Variants in SDK1 observed in about 807,000 individuals in gnomAD.
SDK1 encodes the protein sidekick cell adhesion molecule 1.
SDK1 carries 157 observed loss-of-function variants against 245.5 expected under a neutral mutation model. The observed-to-expected ratio is 0.64, with a 90% CI of 0.56 to 0.73. SDK1 has a LOEUF of 0.73. Ranked by LOEUF, SDK1 falls within the 30% of genes least tolerant of loss-of-function variation. The probability of loss-of-function intolerance (pLI) is 0.00; values close to 1 mark genes in which losing one functional copy is unlikely to be tolerated. For synonymous variants in SDK1, 1,647 were observed against 1,278.5 expected, an observed-to-expected ratio of 1.29 and a Z score of -6.15; for missense variants, 3,583 against 3,002.3, an observed-to-expected ratio of 1.19 and a Z score of -4.52.
intron 38 of SDK1, among the ~76,000 whole-genome samples, chr7:4,210,817 A>G (rs1410585133): frequency 2.6e-5 from 4 of 152,226 alleles, no homozygotes; most frequent in Non-Finnish European, 5.9e-5. Flanking sequence ...GGTAACACAC[A>G]GGTAATTAAA....
chr7:3,587,640 C>T (rs906387616), intron 1 of SDK1, among the ~76,000 whole-genome samples: 1 of 152,234 alleles, frequency 6.6e-6, no homozygotes, highest in Non-Finnish European at 1.5e-5. Context: ...GGATGGCCGT[C>T]TGTTTTACTC....
chr7:3,498,986 G>A (rs1365000366), intron 1 of SDK1, among the ~76,000 whole-genome samples: 1 of 152,152 alleles, frequency 6.6e-6, no homozygotes, highest in Admixed American at 6.5e-5. Context: ...TGATTGGTAA[G>A]AATTTGCAGA....
intron 4 of SDK1, among the ~76,000 whole-genome samples, chr7:3,681,964 T>C (rs564512997): frequency 1.3e-5 from 2 of 152,292 alleles, no homozygotes; most frequent in Non-Finnish European, 2.9e-5. Context: ...GAATGGTCTC[T>C]GAGAGCATAA....
At chr7:3,697,886 G>C (rs1270722060) in intron 4 of SDK1, among the ~76,000 whole-genome samples, 1 of 152,050 alleles carries the variant, frequency 6.6e-6, no homozygotes, top group Non-Finnish European at 1.5e-5. Context: ...TTCCCTTTTT[G>C]TCCTGAGTAC....
At chr7:3,627,139 G>C (rs140660187) in intron 2 of SDK1, among the ~76,000 whole-genome samples, 8 of 152,156 alleles carry the variant, frequency 5.3e-5, no homozygotes, top group Non-Finnish European at 1.2e-4. Context: ...ATGTTGCCGA[G>C]GCTCGTCTCA....
chr7:3,721,826 C>A (rs1457121976), intron 4 of SDK1, among the ~76,000 whole-genome samples: 1 of 152,160 alleles, frequency 6.6e-6, no homozygotes, highest in South Asian at 2.1e-4. Context: ...GGGCTTAGAC[C>A]GGTTGGCATA....
chr7:3,488,414 A>G (rs1781769335), intron 1 of SDK1, among the ~76,000 whole-genome samples: 1 of 152,096 alleles, frequency 6.6e-6, no homozygotes, highest in Admixed American at 6.6e-5. Flanking sequence ...AGGATTTTTA[A>G]AACATTTCCC....
intron 4 of SDK1, among the ~76,000 whole-genome samples, chr7:3,773,984 G>T (rs1780477895): frequency 6.6e-6 from 1 of 152,132 alleles, no homozygotes; most frequent in African/African-American, 2.4e-5. Flanking sequence ...GGAGGCCAAG[G>T]TGGGTGGATC....
intron 1 of SDK1, among the ~76,000 whole-genome samples, chr7:3,431,590 A>G (rs991832348): frequency 1.3e-5 from 2 of 152,134 alleles, no homozygotes; most frequent in Admixed American, 6.6e-5. Context: ...CAGTCCATGA[A>G]GTGGTGAGTG....
intron 17 of SDK1, among the ~76,000 whole-genome samples, chr7:4,033,478 TA>T (rs1787983094): frequency 1.3e-5 from 2 of 152,154 alleles, no homozygotes; most frequent in Admixed American, 1.3e-4. Flanking sequence ...TTAGAAGCTT[TA>T]AAAAGCTAAA....
Position 3,403,848 on chromosome 7 carries a change from T to TA in SDK1, c.298+101965dup, listed in dbSNP as rs1234415204. Among the ~76,000 whole-genome samples, 65 of 99,286 alleles carry TA rather than the reference T, an allele frequency of 6.5e-4. 4 individuals carry two copies. The South Asian group carries it at 0.012, about 18-fold the overall frequency. 65.1% of individuals were successfully genotyped at this position (99,286 alleles called of 152,430 possible). The stretch of plus-strand genomic sequence containing the variant: ...ACATATATATATATATATATATATA[T>TA]ATATATATATATATATATATAATAT... On this transcript the variant is annotated intron_variant, in intron 1 of 44. Coordinates refer to ENST00000404826, the MANE Select transcript of SDK1 (RefSeq NM_152744.4).
At chr7:3,574,580 C>G (rs895770002) in intron 1 of SDK1, among the ~76,000 whole-genome samples, 4 of 152,076 alleles carry the variant, frequency 2.6e-5, no homozygotes, top group Non-Finnish European at 4.4e-5. Context: ...TGGCTCTGGT[C>G]AGTGCTGGGT....
rs116324914 is a variant in SDK1, at chr7:3,418,993, G to C, written c.298+117109G>C. ...ACCATGTTCTTGTGGACTTGACAAA[G>C]AATGTTATATCAAAAGTCGTAACTC... On this transcript the variant is annotated intron_variant, in intron 1 of 44. Coordinates refer to ENST00000404826, the MANE Select transcript of SDK1 (RefSeq NM_152744.4). Among the ~76,000 whole-genome samples the C allele has an allele frequency of 7.1e-3, 1,077 of 152,274 alleles. 10 individuals are homozygous for C. The highest frequency in any genetic ancestry group is 0.025 in the African/African-American group (1,031 of 41,542).
At chr7:4,207,792 C>G (rs1451872812) in intron 36 of SDK1, among the ~76,000 whole-genome samples, 1 of 152,178 alleles carries the variant, frequency 6.6e-6, no homozygotes, top group African/African-American at 2.4e-5. Context: ...GGCAGCTTCC[C>G]TTCCGTCCTC....
chr7:3,445,564 C>G (rs183529577), intron 1 of SDK1, among the ~76,000 whole-genome samples: 2,255 of 152,260 alleles, frequency 0.015, 39 homozygotes, highest in Non-Finnish European at 0.025. Context: ...GCTCTTTGTG[C>G]TCCTCACCTG....
At chr7:3,641,508 C>T (rs890763676) in intron 3 of SDK1, among the ~76,000 whole-genome samples, 8 of 152,082 alleles carry the variant, frequency 5.3e-5, no homozygotes, top group Admixed American at 4.6e-4. Context: ...AGACAGTGAC[C>T]TCACAAATGA....
rs371621043 is a variant in SDK1 at position 4,208,226 on chromosome 7, T to A, written c.5342T>A (p.Phe1781Tyr). ...HTKYLVSISA[F>Y]NAAGDGPKSD... The stretch of plus-strand genomic sequence containing the variant: ...AAGTACCTGGTCAGCATATCAGCCT[T>A]CAACGCCGCCGGAGATGGACCTAAG... The change falls in exon 37 of 45, where the codon TTC (phenylalanine) becomes TAC (tyrosine). Residue 1781 changes from phenylalanine to tyrosine, a missense_variant. Coordinates refer to ENST00000404826, the MANE Select transcript of SDK1 (RefSeq NM_152744.4). 6 of 1,613,956 alleles carry A rather than the reference T, an allele frequency of 3.7e-6. No homozygotes were observed. The African/African-American group carries it at 6.7e-5, about 18-fold the overall frequency.
chr7:3,321,817 C>T (rs1337774001), intron 1 of SDK1, among the ~76,000 whole-genome samples: 1 of 125,836 alleles, frequency 7.9e-6, no homozygotes, highest in East Asian at 2.3e-4. Context: ...TCCTTCCTTC[C>T]TTCCTTCCTT....
intron 1 of SDK1, among the ~76,000 whole-genome samples, chr7:3,585,651 G>T (rs948358346): frequency 6.6e-6 from 1 of 152,110 alleles, no homozygotes; most frequent in South Asian, 2.1e-4. Context: ...AGAACAGAGG[G>T]GGCATACAGC....
Sources: allele counts gnomAD v4.1 joint callset (sites outside exome capture counted in the v4.1 genomes callset), GRCh38; gene constraint gnomAD v4.1.1; transcripts MANE v1.5; gene names NCBI Gene and HGNC (gene_info 2026-07-23, HGNC 2026-07-21).